The following SPOCK1 variants were observed in gnomAD, a reference collection of about 807,000 sequenced individuals.
SPOCK1 encodes the protein testican-1.
SPOCK1 carries 23 observed loss-of-function variants against 55.3 expected under a neutral mutation model. The ratio of observed to expected loss-of-function variants is 0.42; its 90% CI spans 0.30 to 0.59. The LOEUF (loss-of-function observed/expected upper bound fraction) is 0.59. Among genes scored for constraint, SPOCK1 ranks in the 20% least tolerant of loss-of-function variants. The pLI is 0.22. For missense variants in SPOCK1, 499 were observed against 552.5 expected, an observed-to-expected ratio of 0.90 and a Z score of 0.97; for synonymous variants, 226 against 221.0, an observed-to-expected ratio of 1.02 and a Z score of -0.20.
chr5:137,141,538 G>T (rs910162941), intron 3 of SPOCK1, among the ~76,000 whole-genome samples: 5 of 152,198 alleles, frequency 3.3e-5, no homozygotes, highest in African/African-American at 4.8e-5. Context: ...AGGGGGAAAA[G>T]CTTACACATA....
At chr5:137,130,270 T>A (rs893538883) in intron 4 of SPOCK1, among the ~76,000 whole-genome samples, 1 of 152,244 alleles carries the variant, frequency 6.6e-6, no homozygotes, top group Non-Finnish European at 1.5e-5. Flanking sequence ...CTTATTTTTT[T>A]TCATCTGTCT....
chr5:137,492,166 C>T (rs1754194793), intron 2 of SPOCK1, among the ~76,000 whole-genome samples: 1 of 152,170 alleles, frequency 6.6e-6, no homozygotes, highest in African/African-American at 2.4e-5. Flanking sequence ...GCCCTAGGCC[C>T]CAGCCCTGGG....
intron 6 of SPOCK1, among the ~76,000 whole-genome samples, chr5:137,015,969 G>T (rs909986025): frequency 6.6e-6 from 1 of 152,190 alleles, no homozygotes; most frequent in Non-Finnish European, 1.5e-5. Context: ...AAGGAGGAGA[G>T]AAATCATTCC....
intron 3 of SPOCK1, among the ~76,000 whole-genome samples, chr5:137,166,823 A>G (rs7712379): frequency 6.6e-6 from 1 of 151,806 alleles, no homozygotes; most frequent in Non-Finnish European, 1.5e-5. Flanking sequence ...TGAATACACA[A>G]AAAACAAAAG....
At chr5:137,471,908 C>A (rs1166545463) in intron 2 of SPOCK1, among the ~76,000 whole-genome samples, 1 of 152,118 alleles carries the variant, frequency 6.6e-6, no homozygotes, top group Non-Finnish European at 1.5e-5. Context: ...GCCCATGGGA[C>A]CTGAGGGCAT....
At position 137,249,909 on chromosome 5, in the gene SPOCK1, G is replaced by A. The variant is rs1375534199; in HGVS notation, c.232+17101C>T. On this transcript the variant is annotated intron_variant, in intron 3 of 10. Transcript: ENST00000394945. ...CAATCAGCTACTCTTCTTATTATGT[G>A]CGGCATAGTATAGCAGAGATTAAAA... Among the ~76,000 whole-genome samples, 8 of 151,880 alleles carry A rather than the reference G, an allele frequency of 5.3e-5. 1 individual carries two copies. Among genetic ancestry groups the A allele is most frequent in the Admixed American group, 5.2e-4 (8 of 15,240 alleles).
intron 6 of SPOCK1, among the ~76,000 whole-genome samples, chr5:136,995,356 G>A (rs1751020983): frequency 6.6e-6 from 1 of 152,168 alleles, no homozygotes; most frequent in Non-Finnish European, 1.5e-5. Flanking sequence ...TTGTTATGAA[G>A]GTGGAGAATC....
At chr5:137,374,088 T>C (rs558696931) in intron 2 of SPOCK1, among the ~76,000 whole-genome samples, 2 of 152,336 alleles carry the variant, frequency 1.3e-5, no homozygotes, top group East Asian at 3.9e-4. Context: ...AAATAACACA[T>C]CTAATGGAGA....
chr5:137,154,235 C>T (rs1489087753), intron 3 of SPOCK1, among the ~76,000 whole-genome samples: 2 of 152,150 alleles, frequency 1.3e-5, no homozygotes, highest in African/African-American at 2.4e-5. Flanking sequence ...TGCAGTGAGC[C>T]AAGATGGCGC....
intron 2 of SPOCK1, among the ~76,000 whole-genome samples, chr5:137,393,400 C>T (rs1177102201): frequency 6.6e-6 from 1 of 152,204 alleles, no homozygotes; most frequent in African/African-American, 2.4e-5. Flanking sequence ...TGGAGTTGAC[C>T]CAGCCAAGGC....
chr5:137,498,586 A>C, intron 1 of SPOCK1, 28 bp from the exon 2 acceptor site: 1 of 1,392,896 alleles, frequency 7.2e-7, no homozygotes, highest in African/African-American at 1.5e-5. Flanking sequence ...CAGGGCGATG[A>C]GCGAAGAGGG....
chr5:137,102,739 A>T (rs1286401480), intron 5 of SPOCK1, among the ~76,000 whole-genome samples: 1 of 152,234 alleles, frequency 6.6e-6, no homozygotes, highest in African/African-American at 2.4e-5. Flanking sequence ...AAAAAGTTGT[A>T]TAGCTTCAGT....
At chr5:137,236,715 C>T (rs1756188832) in intron 3 of SPOCK1, among the ~76,000 whole-genome samples, 1 of 152,154 alleles carries the variant, frequency 6.6e-6, no homozygotes, top group Non-Finnish European at 1.5e-5. Flanking sequence ...TACAAGTACA[C>T]ACTCTGCAGA....
chr5:137,408,692 T>G (rs188289480), intron 2 of SPOCK1, among the ~76,000 whole-genome samples: 1 of 152,296 alleles, frequency 6.6e-6, no homozygotes, highest in African/African-American at 2.4e-5. Context: ...CTCTTAAGGC[T>G]ACCTGCAGCT....
chr5:137,117,734 T>C (rs2127035995), intron 4 of SPOCK1, among the ~76,000 whole-genome samples: 1 of 152,116 alleles, frequency 6.6e-6, no homozygotes, highest in South Asian at 2.1e-4. Context: ...AAAAACCATT[T>C]AGCAAAAAAT....
intron 2 of SPOCK1, among the ~76,000 whole-genome samples, chr5:137,338,347 C>G (rs1580873643): frequency 6.6e-6 from 1 of 152,268 alleles, no homozygotes; most frequent in Admixed American, 6.5e-5. Flanking sequence ...AGGACAGGAA[C>G]TCATCCTTTT....
chr5:137,037,823 C>G (rs1053564939), intron 6 of SPOCK1, among the ~76,000 whole-genome samples: 3 of 152,334 alleles, frequency 2.0e-5, no homozygotes, highest in Admixed American at 2.0e-4. Flanking sequence ...CACAGCTGAG[C>G]AGGGAGAGGT....
At chr5:137,009,173 A>C (rs527729011) in intron 6 of SPOCK1, among the ~76,000 whole-genome samples, 1 of 152,212 alleles carries the variant, frequency 6.6e-6, no homozygotes, top group Admixed American at 6.5e-5. Context: ...AACAATGGCA[A>C]AGTGATTCAG....
intron 2 of SPOCK1, among the ~76,000 whole-genome samples, chr5:137,304,879 G>A (rs143170720): frequency 7.2e-4 from 109 of 152,166 alleles, no homozygotes; most frequent in Non-Finnish European, 1.0e-3. Flanking sequence ...TTGTATGTTC[G>A]GCAGGGGAGA....
Sources: allele counts gnomAD v4.1 joint callset (sites outside exome capture counted in the v4.1 genomes callset), GRCh38; gene constraint gnomAD v4.1.1; transcripts MANE v1.5; gene names NCBI Gene and HGNC (gene_info 2026-07-23, HGNC 2026-07-21).